The following NXN variants were observed in gnomAD, a reference collection of about 807,000 sequenced individuals.
NXN encodes nucleoredoxin 1.
A neutral mutation model predicts 48.6 loss-of-function variants in NXN; 16 were observed. The observed-to-expected ratio is 0.33, with a 90% CI of 0.22 to 0.50. NXN has a LOEUF of 0.50. Among genes scored for constraint, NXN ranks in the 20% least tolerant of loss-of-function variants. The probability of loss-of-function intolerance (pLI) is 0.98; values close to 1 mark genes in which losing one functional copy is unlikely to be tolerated. For synonymous variants in NXN, 281 were observed against 269.6 expected (o/e 1.04, Z -0.41); for missense variants, 492 against 605.5 (o/e 0.81, Z 1.97).
At chr17:850,447 A>G (rs1567832755) in intron 1 of NXN, among the ~76,000 whole-genome samples, 1 of 152,244 alleles carries the variant, frequency 6.6e-6, no homozygotes, top group African/African-American at 2.4e-5. Context: ...GACATGAGAA[A>G]AGTCAGTCCA....
At chr17:907,292 G>A (rs1323655394) in intron 1 of NXN, among the ~76,000 whole-genome samples, 1 of 151,642 alleles carries the variant, frequency 6.6e-6, no homozygotes, top group Non-Finnish European at 1.5e-5. Context: ...TTAGGTGATT[G>A]CTTCTTGCAA....
In NXN at chr17:953,439, C is replaced by A. The variant is rs558101550; in HGVS notation, c.360+25880G>T. Among the ~76,000 whole-genome samples, 106 of 152,110 alleles carry A rather than the reference C, an allele frequency of 7.0e-4. 1 individual carries two copies. The highest frequency in any genetic ancestry group is 2.5e-3 in the African/African-American group (103 of 41,500). On this transcript the variant is annotated intron_variant, in intron 1 of 7. Transcript: ENST00000336868. ...CAAAAAAAGAAAAGACTATGACCCC[C>A]CTCCCACCACAAGCAGGACGAGGCA... is the stretch of plus-strand genomic sequence containing the variant.
intron 1 of NXN, among the ~76,000 whole-genome samples, chr17:945,821 T>C (rs1404259251): frequency 1.3e-5 from 2 of 152,048 alleles, no homozygotes; most frequent in African/African-American, 4.8e-5. Context: ...GAATCCAGAG[T>C]ATTCTGCCCT....
At chr17:891,050 T>G (rs1452502773) in intron 1 of NXN, among the ~76,000 whole-genome samples, 2 of 152,084 alleles carry the variant, frequency 1.3e-5, no homozygotes, top group Middle Eastern at 3.2e-3. Context: ...TATCTATCTA[T>G]CTATCCGTCT....
intron 1 of NXN, among the ~76,000 whole-genome samples, chr17:855,960 C>T (rs1055637266): frequency 6.6e-6 from 1 of 152,078 alleles, no homozygotes. Context: ...TTTGGGAGGC[C>T]TAGACGGGCA....
At position 904,300 on chromosome 17, in the gene NXN, C is replaced by T. The variant is rs558620740; in HGVS notation, c.360+75019G>A. Among the ~76,000 whole-genome samples, 15 of 131,710 alleles carry T rather than the reference C, an allele frequency of 1.1e-4. No individual in the cohort carries two copies. The South Asian group carries it at 3.4e-3, about 30-fold the overall frequency. The allele number at this position is 131,710 out of a possible 152,430, so 86.4% of individuals were successfully genotyped here. A position where few individuals can be genotyped will look rare whatever the true frequency, so the allele number is the denominator to read the frequency against. On this transcript the variant is annotated intron_variant, in intron 1 of 7. Coordinates refer to ENST00000336868, the MANE Select transcript of NXN (RefSeq NM_022463.5). Reference sequence around the variant, plus strand: ...TGCGGGCTGCCCGGACGTCGGACGCCGTCCGGCTTCCATCCGACAGACTGG... The same window carrying T: ...TGCGGGCTGCCCGGACGTCGGACGCTGTCCGGCTTCCATCCGACAGACTGG...
At position 917,315 on chromosome 17, in the gene NXN, G is replaced by C. The variant is rs2068698958; in HGVS notation, c.360+62004C>G. On this transcript the variant is annotated intron_variant, in intron 1 of 7. Coordinates refer to ENST00000336868, the MANE Select transcript of NXN (RefSeq NM_022463.5). This position sits in a 1 kb window ranked among gnomAD's most constrained non-coding sequence, Gnocchi z 4.5. ...CGCCACCATGCCCAGCTAATTTTTTGTATTTTTAGTAGAGACGGGGTTTCA... is the reference window on the plus strand; with the variant it reads ...CGCCACCATGCCCAGCTAATTTTTTCTATTTTTAGTAGAGACGGGGTTTCA... Among the ~76,000 whole-genome samples the C allele has an allele frequency of 2.0e-5, 3 of 152,172 alleles. No individual in the cohort carries two copies. Among genetic ancestry groups the C allele is most frequent in the African/African-American group, 7.2e-5 (3 of 41,450 alleles).
chr17:901,856 T>C (rs1358407199), intron 1 of NXN, among the ~76,000 whole-genome samples: 2 of 152,130 alleles, frequency 1.3e-5, no homozygotes, highest in African/African-American at 2.4e-5. Flanking sequence ...CCCACCATCA[T>C]GCCCAGCTAA....
intron 5 of NXN, among the ~76,000 whole-genome samples, chr17:806,658 A>G (rs560213385): frequency 1.8e-4 from 28 of 152,170 alleles, no homozygotes; most frequent in Admixed American, 3.9e-4. Flanking sequence ...TTTAATATTT[A>G]TAGATTCCCA....
In NXN at chr17:823,099, C is replaced by CA. The variant is rs11314268; in HGVS notation, c.612+532dup. Reference sequence around the variant, plus strand: ...TAGGCGACAGAGCAAGACTCTGTCTCAAAAAAAAAAAAAAGGGGGCCAGGC... The same window carrying CA: ...TAGGCGACAGAGCAAGACTCTGTCTCAAAAAAAAAAAAAAAGGGGGCCAGGC... On this transcript the variant is annotated intron_variant, in intron 3 of 7. Transcript: ENST00000336868. Among the ~76,000 whole-genome samples, 201 of 130,436 alleles carry CA rather than the reference C, an allele frequency of 1.5e-3. No homozygotes were observed. In the East Asian group the frequency reaches 0.023, roughly 15 times the overall value. The allele number at this position is 130,436 out of a possible 152,430, so 85.6% of individuals were successfully genotyped here. A position where few individuals can be genotyped will look rare whatever the true frequency, so the allele number is the denominator to read the frequency against.
rs574023469 is a variant in NXN, at chr17:919,294, C to G, written c.360+60025G>C. 6.6e-6 allele frequency among the ~76,000 whole-genome samples: 1 copy of G among 151,874 alleles called. No individual in the cohort carries two copies. The highest frequency in any genetic ancestry group is 2.1e-4 in the South Asian group (1 of 4,790). On this transcript the variant is annotated intron_variant, in intron 1 of 7. Transcript: ENST00000336868. This position sits in a 1 kb window ranked among gnomAD's most constrained non-coding sequence, Gnocchi z 5.1. Reference sequence around the variant, plus strand: ...AGGAGAATAGCTTGAACTAGGGAGGCAGAGGTTGCAGTGAGCCGAGATTGT... The same window carrying G: ...AGGAGAATAGCTTGAACTAGGGAGGGAGAGGTTGCAGTGAGCCGAGATTGT...
chr17:813,337 T>C (rs1020880197), intron 5 of NXN, among the ~76,000 whole-genome samples: 3 of 152,200 alleles, frequency 2.0e-5, no homozygotes, highest in African/African-American at 7.2e-5. Flanking sequence ...AAGCCAGAAC[T>C]GATACCAGTG....
chr17:872,145 G>A (rs556722694), intron 1 of NXN, among the ~76,000 whole-genome samples: 20 of 151,818 alleles, frequency 1.3e-4, no homozygotes, highest in African/African-American at 4.3e-4. Context: ...CCAAGCTGCC[G>A]AATGCTCAGA....
At chr17:951,261 A>T (rs1023516027) in intron 1 of NXN, among the ~76,000 whole-genome samples, 4 of 149,794 alleles carry the variant, frequency 2.7e-5, no homozygotes, top group Non-Finnish European at 5.9e-5. Flanking sequence ...GAGGCACGAG[A>T]ATTGCTTGAA....
intron 4 of NXN, among the ~76,000 whole-genome samples, 194 bp from the exon 5 acceptor site, chr17:819,739 C>T (rs1300870108): frequency 6.6e-6 from 1 of 152,180 alleles, no homozygotes; most frequent in Non-Finnish European, 1.5e-5. Flanking sequence ...CAAATGCCTC[C>T]ACACAGCAGG....
At chr17:904,954 T>C (rs62070207) in intron 1 of NXN, among the ~76,000 whole-genome samples, 19,262 of 152,100 alleles carry the variant, frequency 0.13, 1,491 homozygotes, top group East Asian at 0.27. Context: ...CTGCAAGGTC[T>C]GTTTCCCGTC....
At position 825,954 on chromosome 17, in the gene NXN, G is replaced by T; in HGVS notation, c.478+7C>A. The T allele has an allele frequency of 6.3e-7, 1 of 1,591,626 alleles. No homozygotes were observed. Among genetic ancestry groups the T allele is most frequent in the Non-Finnish European group, 8.6e-7 (1 of 1,162,230 alleles). ...AAGAGGACCATATGCACGGGCTGAG[G>T]TTTTACCTTCTGGGTCATCTCGGAT... On this transcript the variant is annotated splice_region_variant and intron_variant, in intron 2 of 7. Coordinates refer to ENST00000336868, the MANE Select transcript of NXN (RefSeq NM_022463.5). This position sits in a 1 kb window ranked among gnomAD's most constrained non-coding sequence, Gnocchi z 4.1.
At chr17:873,368 G>A (rs1235822181) in intron 1 of NXN, among the ~76,000 whole-genome samples, 3 of 151,642 alleles carry the variant, frequency 2.0e-5, no homozygotes, top group African/African-American at 7.3e-5. Flanking sequence ...GTGGTGGGGG[G>A]TGCCTGTAAT....
chr17:945,574 T>G (rs988814468), intron 1 of NXN, among the ~76,000 whole-genome samples: 4 of 141,524 alleles, frequency 2.8e-5, no homozygotes, highest in Admixed American at 7.6e-5. Context: ...GAGCTTGCCG[T>G]GAGCCGAGAT....
Sources: allele counts gnomAD v4.1 joint callset (sites outside exome capture counted in the v4.1 genomes callset), GRCh38; gene constraint gnomAD v4.1.1; non-coding constraint Gnocchi (gnomAD v3.1); transcripts MANE v1.5; gene names NCBI Gene and HGNC (gene_info 2026-07-23, HGNC 2026-07-21).